PPP1R9A: variants seen among roughly 807,000 people sequenced by gnomAD.
The protein encoded by PPP1R9A is protein phosphatase 1 regulatory subunit 9A.
Under a neutral mutation model 141.9 loss-of-function variants are expected in PPP1R9A, and 59 were observed. The ratio of observed to expected loss-of-function variants is 0.42; its 90% confidence interval spans 0.34 to 0.52. PPP1R9A has a LOEUF of 0.52. PPP1R9A is among the 20% of genes least tolerant of loss of function. The pLI is 0.10. For synonymous variants in PPP1R9A, 500 were observed against 569.7 expected, an observed-to-expected ratio of 0.88 and a Z score of 1.74; for missense variants, 1,444 against 1,611.9, an observed-to-expected ratio of 0.90 and a Z score of 1.78.
chr7:95,153,213 A>G lies in PPP1R9A; in HGVS notation c.1650-8654A>G, dbSNP rs571212583. Among the ~76,000 whole-genome samples the G allele has an allele frequency of 7.2e-5, 11 of 152,288 alleles. No individual in the cohort carries two copies. In the South Asian group the frequency reaches 2.3e-3, roughly 32 times the overall value. ...ATGAGCACATTCATTAACATGATATAAAATCATGGTAACATCGTAACATTT... is the reference window on the plus strand; with the variant it reads ...ATGAGCACATTCATTAACATGATATGAAATCATGGTAACATCGTAACATTT... On this transcript the variant is annotated intron_variant, in intron 4 of 19. Transcript: ENST00000433360.
At chr7:95,180,329 A>G (rs1170772377) in intron 5 of PPP1R9A, among the ~76,000 whole-genome samples, 1 of 152,198 alleles carries the variant, frequency 6.6e-6, no homozygotes, top group African/African-American at 2.4e-5. Context: ...AGCTACCTGT[A>G]GGAGAATGAA....
In PPP1R9A at chr7:94,910,655, A is replaced by C; in HGVS notation, c.542A>C (p.Asn181Thr). The change falls in exon 2 of 20, where the codon AAC becomes ACC. Residue 181 changes from asparagine (N) to threonine (T), a missense_variant. Transcript: ENST00000433360. The surrounding 1 kb of genome is among the most constrained non-coding windows in gnomAD (Gnocchi z 4.5). ...PQDEWGGSKS[N>T]RGSTDSLDSL... is the part of the protein sequence containing the mutation. ...GATGAATGGGGAGGTTCCAAGTCCA[A>C]CAGAGGCAGTACTGATTCCTTGGAC... 6.2e-7 allele frequency: 1 copy of C among 1,614,214 alleles called. No individual in the cohort carries two copies.
At chr7:95,278,787 G>T (rs1803642653) in intron 16 of PPP1R9A, among the ~76,000 whole-genome samples, 1 of 152,128 alleles carries the variant, frequency 6.6e-6, no homozygotes, top group Non-Finnish European at 1.5e-5. Context: ...TGACCTTCCA[G>T]TGAAAGCCAA....
intron 5 of PPP1R9A, among the ~76,000 whole-genome samples, chr7:95,189,210 G>A (rs1408819551): frequency 2.0e-5 from 3 of 151,960 alleles, no homozygotes; most frequent in Admixed American, 6.6e-5. Context: ...TTAGGTTACC[G>A]CTTGCTTTTG....
At chr7:95,200,020 G>T (rs553934521) in intron 6 of PPP1R9A, among the ~76,000 whole-genome samples, 1 of 152,024 alleles carries the variant, frequency 6.6e-6, no homozygotes, top group African/African-American at 2.4e-5. Flanking sequence ...TTTCTAGTCT[G>T]TGTGCCTTGG....
chr7:95,260,135 CATT>C (rs1249906670), intron 12 of PPP1R9A, among the ~76,000 whole-genome samples: 4 of 152,112 alleles, frequency 2.6e-5, no homozygotes, highest in Non-Finnish European at 5.9e-5. Context: ...TCTGGTGTAT[CATT>C]AAGGCCAAAA....
At chr7:94,949,822 A>T (rs1166671322) in intron 2 of PPP1R9A, among the ~76,000 whole-genome samples, 1 of 151,596 alleles carries the variant, frequency 6.6e-6, no homozygotes, top group East Asian at 1.9e-4. Flanking sequence ...TTCTCTACTA[A>T]GGTTGTCTTC....
chr7:95,130,744 G>T (rs548188477), intron 4 of PPP1R9A, among the ~76,000 whole-genome samples: 1 of 152,330 alleles, frequency 6.6e-6, no homozygotes, highest in African/African-American at 2.4e-5. Context: ...TGACCTGGAT[G>T]TGAGACATGG....
intron 2 of PPP1R9A, among the ~76,000 whole-genome samples, chr7:95,105,340 G>A (rs1050756711): frequency 6.6e-6 from 1 of 152,114 alleles, no homozygotes; most frequent in African/African-American, 2.4e-5. Flanking sequence ...CATAGCCTTG[G>A]GTTGTTCGTT....
At chr7:95,005,045 T>C (rs1246266336) in intron 2 of PPP1R9A, among the ~76,000 whole-genome samples, 4 of 152,250 alleles carry the variant, frequency 2.6e-5, no homozygotes, top group Non-Finnish European at 4.4e-5. Context: ...TACTTTCGTT[T>C]GTAAGCTGTT....
At chr7:95,246,084 C>A (rs997235001) in intron 8 of PPP1R9A, among the ~76,000 whole-genome samples, 1 of 152,204 alleles carries the variant, frequency 6.6e-6, no homozygotes, top group African/African-American at 2.4e-5. Flanking sequence ...TAGGAACCCT[C>A]AGGTTCTGGG....
At chr7:95,178,853 A>G (rs1046537952) in intron 5 of PPP1R9A, among the ~76,000 whole-genome samples, 8 of 152,148 alleles carry the variant, frequency 5.3e-5, no homozygotes, top group African/African-American at 1.4e-4. Flanking sequence ...TGAACACTCC[A>G]ATAACAAGTA....
chr7:95,081,173 A>G (rs960292881), intron 2 of PPP1R9A, among the ~76,000 whole-genome samples: 1 of 152,198 alleles, frequency 6.6e-6, no homozygotes, highest in African/African-American at 2.4e-5. Flanking sequence ...GCTTAAGGAT[A>G]TTTGTAGAAA....
Position 95,252,134 on chromosome 7 carries a change from T to A in PPP1R9A, c.2665+4T>A. On this transcript the variant is annotated splice_donor_region_variant and intron_variant, in intron 12 of 19. Coordinates refer to ENST00000433360, the MANE Select transcript of PPP1R9A (RefSeq NM_001166160.2). Reference sequence around the variant, plus strand: ...TGCCAAGATGGCCTAAGTCAAGGTTTGTTTAACCCAACCACAAAAATCATT... The same window carrying A: ...TGCCAAGATGGCCTAAGTCAAGGTTAGTTTAACCCAACCACAAAAATCATT... The A allele has an allele frequency of 1.3e-6, 2 of 1,559,498 alleles. No individual in the cohort carries two copies. The highest frequency in any genetic ancestry group is 2.5e-5 in the South Asian group (2 of 80,498).
At chr7:95,152,838 CTTTTT>C (rs5885900) in intron 4 of PPP1R9A, among the ~76,000 whole-genome samples, 1 of 125,102 alleles carries the variant, frequency 8.0e-6, no homozygotes. Flanking sequence ...CAGCCACACC[CTTTTT>C]TTTTTTTTTT....
intron 2 of PPP1R9A, among the ~76,000 whole-genome samples, chr7:95,044,371 A>G (rs1809687736): frequency 1.3e-5 from 2 of 152,040 alleles, no homozygotes; most frequent in Non-Finnish European, 2.9e-5. Context: ...AGTTTAAAAG[A>G]AAAAAAATAT....
intron 2 of PPP1R9A, among the ~76,000 whole-genome samples, chr7:94,969,182 T>C (rs1038675459): frequency 6.6e-6 from 1 of 152,122 alleles, no homozygotes; most frequent in African/African-American, 2.4e-5. Flanking sequence ...TTTTGTTCCC[T>C]TACTGGCAAA....
At chr7:95,002,018 T>C (rs1161461522) in intron 2 of PPP1R9A, among the ~76,000 whole-genome samples, 1 of 152,178 alleles carries the variant, frequency 6.6e-6, no homozygotes. Flanking sequence ...TTGTAATAAG[T>C]GCTCTCTCTG....
chr7:95,096,837 C>A lies in PPP1R9A; in HGVS notation c.1396-14422C>A, dbSNP rs79974107. Among the ~76,000 whole-genome samples, 307 of 152,242 alleles carry A rather than the reference C, an allele frequency of 2.0e-3. 2 individuals carry two copies. Among genetic ancestry groups the A allele is most frequent in the African/African-American group, 7.0e-3 (292 of 41,532 alleles). On this transcript the variant is annotated intron_variant, in intron 2 of 19. Transcript: ENST00000433360. ...AGAATGCCTTCCACACATACTACCC[C>A]CAACCCGCCTTATGTTTGCTCACGC...
Sources: allele counts gnomAD v4.1 joint callset (sites outside exome capture counted in the v4.1 genomes callset), GRCh38; gene constraint gnomAD v4.1.1; non-coding constraint Gnocchi (gnomAD v3.1); transcripts MANE v1.5; gene names NCBI Gene and HGNC (gene_info 2026-07-23, HGNC 2026-07-21).